Variants in SNX8 observed in about 807,000 individuals in gnomAD.
SNX8 encodes sorting nexin 8.
SNX8 carries 25 observed loss-of-function variants against 51.6 expected under a neutral mutation model. The observed-to-expected ratio is 0.48, with a 90% confidence interval of 0.35 to 0.68. The LOEUF (loss-of-function observed/expected upper bound fraction) is 0.68. SNX8 is among the 30% of genes least tolerant of loss of function. SNX8 has a pLI of 0.00. For missense variants in SNX8, 695 were observed against 624.0 expected, an observed-to-expected ratio of 1.11 and a Z score of -1.21; for synonymous variants, 324 against 277.0, an observed-to-expected ratio of 1.17 and a Z score of -1.68.
chr7:2,319,543 C>T (rs1268096747), intron 1 of SNX8, among the ~76,000 whole-genome samples: 2 of 145,094 alleles, frequency 1.4e-5, no homozygotes, highest in South Asian at 2.2e-4. Flanking sequence ...GGGCCAGGCG[C>T]GGTGGCTCAC....
chr7:2,292,784 T>C (rs1183109641), intron 1 of SNX8, among the ~76,000 whole-genome samples: 3 of 151,334 alleles, frequency 2.0e-5, no homozygotes, highest in Non-Finnish European at 2.9e-5. Flanking sequence ...ATTTGGGAGG[T>C]TGAGGTGAGA....
At chr7:2,268,390 A>G (rs1249558235) in intron 5 of SNX8, among the ~76,000 whole-genome samples, 19 of 126,374 alleles carry the variant, frequency 1.5e-4, no homozygotes, top group African/African-American at 5.5e-4. Flanking sequence ...CCCGGCAGCC[A>G]CCCCATCTGG....
At chr7:2,307,608 G>A (rs1477894013) in intron 1 of SNX8, 1 of 143,714 alleles carries the variant, frequency 7.0e-6, no homozygotes, top group Non-Finnish European at 1.5e-5. Flanking sequence ...CTCCAGCCTG[G>A]GCAACAAGAG....
At chr7:2,274,248 T>C (rs1016885389) in intron 3 of SNX8, among the ~76,000 whole-genome samples, 1 of 152,210 alleles carries the variant, frequency 6.6e-6, no homozygotes, top group Non-Finnish European at 1.5e-5. Context: ...GGCTGCTTGC[T>C]CAGTGACCGA....
chr7:2,351,827 T>C (rs1368437034), intron 1 of SNX8, among the ~76,000 whole-genome samples: 1 of 149,380 alleles, frequency 6.7e-6, no homozygotes, highest in Non-Finnish European at 1.5e-5. Context: ...TGAGACTCCA[T>C]CTCAAAAAAT....
intron 1 of SNX8, among the ~76,000 whole-genome samples, chr7:2,329,714 T>C (rs1478003788): frequency 3.9e-5 from 6 of 152,116 alleles, no homozygotes; most frequent in Admixed American, 1.3e-4. Flanking sequence ...GTGGAGCTTC[T>C]GGATGCACAA....
At chr7:2,338,430 C>G (rs1778868770) in intron 1 of SNX8, among the ~76,000 whole-genome samples, 3 of 150,338 alleles carry the variant, frequency 2.0e-5, no homozygotes, top group African/African-American at 7.3e-5. Context: ...CCACTGCACT[C>G]TAGCCTGGGC....
chr7:2,268,201 C>T (rs531251973), intron 5 of SNX8, among the ~76,000 whole-genome samples: 1 of 142,082 alleles, frequency 7.0e-6, no homozygotes, highest in African/African-American at 2.7e-5. Context: ...GCCGCCCCAT[C>T]TGGGATGTGA....
chr7:2,314,549 C>G (rs937561562), upstream of SNX8: 2 of 964,666 alleles, frequency 2.1e-6, no homozygotes, highest in African/African-American at 3.5e-5. Context: ...GCCCACAGTC[C>G]GCCCCTGCGG....
At chr7:2,286,400 A>G (rs1290596041) in intron 1 of SNX8, among the ~76,000 whole-genome samples, 1 of 152,182 alleles carries the variant, frequency 6.6e-6, no homozygotes, top group Non-Finnish European at 1.5e-5. Flanking sequence ...AATGTGATGT[A>G]ACATTAAGAT....
chr7:2,323,729 C>T (rs1208300720), intron 1 of SNX8, among the ~76,000 whole-genome samples: 5 of 152,314 alleles, frequency 3.3e-5, no homozygotes, highest in Admixed American at 2.0e-4. Flanking sequence ...GTGCCTGGCA[C>T]GCCAGAAGCC....
intron 9 of SNX8, 149 bp downstream of exon 9, chr7:2,257,216 C>T (rs1337826728): frequency 4.4e-6 from 5 of 1,141,494 alleles, no homozygotes; most frequent in Admixed American, 2.6e-5. Context: ...TCTGGGCACG[C>T]GGGCCAGCTC....
Position 2,256,887 on chromosome 7 carries a change from T to C in SNX8, c.1271A>G (p.Gln424Arg). The C allele has an allele frequency of 1.2e-6, 2 of 1,612,846 alleles. No individual in the cohort carries two copies. The highest frequency in any genetic ancestry group is 1.1e-5 in the South Asian group (1 of 90,956). ...GGGCGGACTCACCTCCTTGTGCCCT[T>C]GGATCTGAGAGTTGACGAAGGCGCG... Reference protein sequence around the residue: ...ILRAFVNSQIQGHKEMSKVWN... With the variant: ...ILRAFVNSQIRGHKEMSKVWN... Residue 424 changes from glutamine (Q) to arginine (R), a missense_variant, in exon 10 of 11, where the codon CAA becomes CGA. Transcript: ENST00000222990.
chr7:2,263,462 C>G, intron 6 of SNX8, 100 bp from the exon 7 acceptor site: 1 of 1,216,872 alleles, frequency 8.2e-7, no homozygotes, highest in Non-Finnish European at 1.1e-6. Flanking sequence ...CCACGGCAAC[C>G]TGCGTGACCC....
At chr7:2,256,796 G>A (rs183467074) in intron 10 of SNX8, 78 bp downstream of exon 10, 33 of 1,479,752 alleles carry the variant, frequency 2.2e-5, no homozygotes, top group Non-Finnish European at 2.8e-5. Flanking sequence ...CGGCCACCGC[G>A]CTGCCGGGCT....
At chr7:2,267,105 C>A (rs1002784123) in intron 5 of SNX8, among the ~76,000 whole-genome samples, 5 of 152,236 alleles carry the variant, frequency 3.3e-5, no homozygotes, top group Non-Finnish European at 5.9e-5. Context: ...CTCCCTGAGC[C>A]TGTTTCTCCA....
At chr7:2,315,975 A>G (rs1387949749), upstream of SNX8, among the ~76,000 whole-genome samples, 1 of 131,850 alleles carries the variant, frequency 7.6e-6, no homozygotes, top group Non-Finnish European at 1.6e-5. Context: ...CTGCTTCTTC[A>G]TACATTCATT....
intron 1 of SNX8, among the ~76,000 whole-genome samples, chr7:2,280,258 G>A (rs1795879828): frequency 6.6e-6 from 1 of 152,064 alleles, no homozygotes; most frequent in Non-Finnish European, 1.5e-5. Flanking sequence ...AAGGAATAAT[G>A]TTTAAAAAGT....
At chr7:2,264,991 C>G (rs1433490542) in intron 5 of SNX8, among the ~76,000 whole-genome samples, 1 of 152,092 alleles carries the variant, frequency 6.6e-6, no homozygotes, top group Non-Finnish European at 1.5e-5. Context: ...GCTGAGATCG[C>G]GCAACCACAC....
Sources: gnomAD v4.1 joint callset for allele counts (sites outside exome capture counted in the v4.1 genomes callset) on GRCh38, gnomAD v4.1.1 for gene constraint, MANE v1.5 for transcripts, NCBI Gene and HGNC (gene_info 2026-07-23, HGNC 2026-07-21) for gene names.